CNTNAP2: variants seen among roughly 807,000 people sequenced by gnomAD.
The protein encoded by CNTNAP2 is contactin-associated protein-like 2.
Under a neutral mutation model 155.2 loss-of-function variants are expected in CNTNAP2, and 98 were observed. The ratio of observed to expected loss-of-function variants is 0.63; its 90% confidence interval spans 0.54 to 0.75. The LOEUF (loss-of-function observed/expected upper bound fraction) is 0.75. Ranked by LOEUF, CNTNAP2 falls within the 30% of genes least tolerant of loss-of-function variation. CNTNAP2 has a pLI of 0.00. For missense variants in CNTNAP2, 1,727 were observed against 1,688.1 expected, an observed-to-expected ratio of 1.02 and a Z score of -0.40; for synonymous variants, 651 against 631.2, an observed-to-expected ratio of 1.03 and a Z score of -0.47.
chr7:147,218,696 T>C (rs1803328934), intron 8 of CNTNAP2, among the ~76,000 whole-genome samples: 1 of 152,172 alleles, frequency 6.6e-6, no homozygotes, highest in African/African-American at 2.4e-5. Flanking sequence ...AGAATGTGTA[T>C]TCTGTTGTTG....
chr7:148,375,429 G>A (rs1322643084), intron 21 of CNTNAP2, among the ~76,000 whole-genome samples: 5 of 149,430 alleles, frequency 3.3e-5, no homozygotes, highest in South Asian at 2.1e-4. Flanking sequence ...CCGTGATCTC[G>A]GCTCACTGCA....
intron 8 of CNTNAP2, among the ~76,000 whole-genome samples, chr7:147,255,750 A>G (rs1158178751): frequency 1.3e-5 from 2 of 151,928 alleles, no homozygotes; most frequent in East Asian, 3.9e-4. Context: ...TTGTTTGTTT[A>G]TTTGTTTATT....
At chr7:147,083,864 T>C (rs1800203091) in intron 4 of CNTNAP2, among the ~76,000 whole-genome samples, 1 of 141,076 alleles carries the variant, frequency 7.1e-6, no homozygotes, top group South Asian at 2.3e-4. Flanking sequence ...TATACACATG[T>C]ATGTACATAT....
chr7:147,131,129 A>ATG lies in CNTNAP2; in HGVS notation c.1084-1115_1084-1114insGT, dbSNP rs1385833366. On this transcript the variant is annotated intron_variant, in intron 7 of 23. Transcript: ENST00000361727. ...ACATATATATACCATATACATATAT[A>ATG]TACCATATACATATACATGTACCAT... is the stretch of plus-strand genomic sequence containing the variant. Among the ~76,000 whole-genome samples the ATG allele has an allele frequency of 5.4e-5, 8 of 149,430 alleles. 1 individual carries two copies. The highest frequency in any genetic ancestry group is 9.8e-5 in the African/African-American group (4 of 40,892).
At chr7:147,418,847 A>G (rs1797242334) in intron 10 of CNTNAP2, among the ~76,000 whole-genome samples, 1 of 152,164 alleles carries the variant, frequency 6.6e-6, no homozygotes, top group South Asian at 2.1e-4. Flanking sequence ...GGTAAGTAAA[A>G]AGCTTTAGGT....
intron 1 of CNTNAP2, among the ~76,000 whole-genome samples, chr7:146,492,872 A>G (rs899771009): frequency 5.9e-5 from 9 of 152,220 alleles, no homozygotes; most frequent in African/African-American, 1.7e-4. Flanking sequence ...TCCTGAATGC[A>G]ATAAAATATT....
intron 1 of CNTNAP2, among the ~76,000 whole-genome samples, chr7:146,720,988 T>A (rs1259785874): frequency 1.5e-4 from 18 of 120,278 alleles, no homozygotes; most frequent in African/African-American, 6.1e-4. Context: ...CTATATATAC[T>A]GTATATATAT....
chr7:148,074,780 G>A (rs1420261666), intron 15 of CNTNAP2, among the ~76,000 whole-genome samples: 1 of 152,016 alleles, frequency 6.6e-6, no homozygotes, highest in Non-Finnish European at 1.5e-5. Flanking sequence ...TATGCAAAGT[G>A]TGAGACACCT....
intron 1 of CNTNAP2, among the ~76,000 whole-genome samples, chr7:146,253,053 G>A (rs1274667428): frequency 6.6e-6 from 1 of 152,090 alleles, no homozygotes; most frequent in Non-Finnish European, 1.5e-5. Flanking sequence ...GTTAATAAAA[G>A]TATTTTTATG....
chr7:147,686,144 G>A (rs1329497867), intron 13 of CNTNAP2, among the ~76,000 whole-genome samples: 1 of 152,080 alleles, frequency 6.6e-6, no homozygotes, highest in Non-Finnish European at 1.5e-5. Flanking sequence ...TTTAGGAAGA[G>A]ATGAGAGTGT....
intron 12 of CNTNAP2, among the ~76,000 whole-genome samples, chr7:147,632,461 G>A (rs995550510): frequency 6.6e-6 from 1 of 152,064 alleles, no homozygotes; most frequent in Non-Finnish European, 1.5e-5. Context: ...TTTTATAAGG[G>A]GCTTTTCTGC....
intron 1 of CNTNAP2, among the ~76,000 whole-genome samples, chr7:146,288,798 T>G (rs1256246012): frequency 1.6e-5 from 2 of 125,220 alleles, no homozygotes; most frequent in African/African-American, 7.9e-5. Flanking sequence ...TAGTAATTTT[T>G]TTTTTTTTTT....
At chr7:148,363,171 C>T (rs774365141) in intron 21 of CNTNAP2, among the ~76,000 whole-genome samples, 22 of 152,114 alleles carry the variant, frequency 1.4e-4, no homozygotes, top group Non-Finnish European at 1.2e-4. Context: ...TTAGTAGAGA[C>T]GGGGTTTCTC....
chr7:147,264,461 G>T (rs1280709927), intron 8 of CNTNAP2, among the ~76,000 whole-genome samples: 1 of 151,852 alleles, frequency 6.6e-6, no homozygotes, highest in African/African-American at 2.4e-5. Flanking sequence ...AAAATTTCAG[G>T]AAGTGAGGGG....
intron 1 of CNTNAP2, among the ~76,000 whole-genome samples, chr7:146,335,723 A>T (rs1272065854): frequency 6.6e-6 from 1 of 152,084 alleles, no homozygotes; most frequent in Non-Finnish European, 1.5e-5. Flanking sequence ...TTTTGTTCCT[A>T]CAAGTGTTCA....
intron 21 of CNTNAP2, among the ~76,000 whole-genome samples, chr7:148,346,096 T>G (rs748342930): frequency 6.6e-6 from 1 of 152,130 alleles, no homozygotes; most frequent in Non-Finnish European, 1.5e-5. Context: ...CGTTGTGAAT[T>G]TATAGATGGA....
intron 3 of CNTNAP2, among the ~76,000 whole-genome samples, chr7:146,975,710 T>G (rs1394641664): frequency 6.6e-6 from 1 of 152,150 alleles, no homozygotes. Context: ...CCATCTCCCA[T>G]TCTCAAAATT....
intron 15 of CNTNAP2, among the ~76,000 whole-genome samples, chr7:148,065,221 T>C (rs930191108): frequency 6.6e-6 from 1 of 152,196 alleles, no homozygotes; most frequent in East Asian, 1.9e-4. Flanking sequence ...ATATGGTCTA[T>C]CTTGGAGAAC....
chr7:147,156,529 G>T (rs1350788417), intron 8 of CNTNAP2, among the ~76,000 whole-genome samples: 2 of 152,082 alleles, frequency 1.3e-5, no homozygotes, highest in Non-Finnish European at 2.9e-5. Context: ...TCTTGCTTTT[G>T]CTGCATTGCA....
Sources: allele counts gnomAD v4.1 joint callset (sites outside exome capture counted in the v4.1 genomes callset), GRCh38; gene constraint gnomAD v4.1.1; transcripts MANE v1.5; gene names NCBI Gene and HGNC (gene_info 2026-07-23, HGNC 2026-07-21).